MFNG: variants seen among roughly 807,000 people sequenced by gnomAD.
MFNG encodes the protein beta-1,3-N-acetylglucosaminyltransferase manic fringe.
A neutral mutation model predicts 34.2 loss-of-function variants in MFNG; 24 were observed. The observed-to-expected ratio is 0.70, with a 90% CI of 0.51 to 0.99. The LOEUF is 0.99. MFNG is among the 50% of genes least tolerant of loss of function. The pLI, the probability that MFNG is intolerant of heterozygous loss-of-function variation, is 0.00. For synonymous variants in MFNG, 158 were observed against 179.2 expected (o/e 0.88, Z 0.94); for missense variants, 383 against 424.0 (o/e 0.90, Z 0.85).
rs375170350 is a variant in MFNG, at chr22:37,477,549, C to A, written c.562-568G>T. ...GCAACCTCCGCCTCCCAGGTTCAAG[C>A]GATTCTCCAGCCTCAGCTTCCCAAA... On this transcript the variant is annotated intron_variant, in intron 4 of 7. Transcript: ENST00000356998. Among the ~76,000 whole-genome samples, 7 of 152,240 alleles carry A rather than the reference C, an allele frequency of 4.6e-5. No individual in the cohort carries two copies. In the South Asian group the frequency reaches 1.5e-3, roughly 32 times the overall value.
chr22:37,471,101 C>T (rs1169668957), intron 7 of MFNG, among the ~76,000 whole-genome samples: 1 of 152,172 alleles, frequency 6.6e-6, no homozygotes, highest in Non-Finnish European at 1.5e-5. Context: ...CACCCTCATC[C>T]CCTACACACA....
At chr22:37,480,627 ATTTCCTG>A in intron 2 of MFNG, 87 bp downstream of exon 2, 1 of 1,251,404 alleles carries the variant, frequency 8.0e-7, no homozygotes, top group Non-Finnish European at 1.2e-6. Flanking sequence ...TGGGCGGCCC[ATTTCCTG>A]GGAACCCTCA....
chr22:37,469,638 C>T lies in MFNG; in HGVS notation c.*325G>A. The T allele has an allele frequency of 2.4e-6, 1 of 421,200 alleles. No individual in the cohort carries two copies. Among genetic ancestry groups the T allele is most frequent in the South Asian group, 2.0e-5 (1 of 49,180 alleles). The allele number at this position is 421,200 out of a possible 1,614,324, so 26.1% of individuals were successfully genotyped here. A position where few individuals can be genotyped will look rare whatever the true frequency, so the allele number is the denominator to read the frequency against. On this transcript the variant is annotated 3_prime_UTR_variant, in exon 8 of 8. Transcript: ENST00000356998. ...ACCCCACCCAGAGGCCATGTCACTGCCTAAAGGGTTAGGACCCCTGAGCCC... is the reference window on the plus strand; with the variant it reads ...ACCCCACCCAGAGGCCATGTCACTGTCTAAAGGGTTAGGACCCCTGAGCCC...
intron 3 of MFNG, 93 bp downstream of exon 3, chr22:37,480,104 G>A (rs1922223949): frequency 3.1e-6 from 3 of 954,758 alleles, no homozygotes; most frequent in Non-Finnish European, 4.8e-6. Flanking sequence ...GCCTGCTAGA[G>A]GAGTGGGGGC....
Position 37,483,371 on chromosome 22 carries a change from T to C in MFNG, c.255+2552A>G, listed in dbSNP as rs530798478. On this transcript the variant is annotated intron_variant, in intron 1 of 7. Coordinates refer to ENST00000356998, the MANE Select transcript of MFNG (RefSeq NM_002405.4). The surrounding 1 kb of genome is among the most constrained non-coding windows in gnomAD (Gnocchi z 4.5). ...TTTTCAACACAGCCTCAAGGGATCCTATCAAAGAAACCAGGCCTTTCCTAC... is the reference window on the plus strand; with the variant it reads ...TTTTCAACACAGCCTCAAGGGATCCCATCAAAGAAACCAGGCCTTTCCTAC... 6.6e-6 allele frequency among the ~76,000 whole-genome samples: 1 copy of C among 152,138 alleles called. No homozygotes were observed. The highest frequency in any genetic ancestry group is 2.4e-5 in the African/African-American group (1 of 41,502).
At position 37,469,186 on chromosome 22, in the gene MFNG, C is replaced by G. The variant is rs954931294; in HGVS notation, c.*777G>C. On this transcript the variant is annotated 3_prime_UTR_variant, in exon 8 of 8. Coordinates refer to ENST00000356998, the MANE Select transcript of MFNG (RefSeq NM_002405.4). ...GTGGCTGCCCCAGATCCAGCCATCA[C>G]ACCCACATTTATAGCAGGAAGATGG... is the stretch of plus-strand genomic sequence containing the variant. The G allele has an allele frequency of 2.0e-5, 3 of 153,264 alleles. No homozygotes were observed. Among genetic ancestry groups the G allele is most frequent in the African/African-American group, 7.2e-5 (3 of 41,434 alleles). The allele number at this position is 153,264 out of a possible 1,614,324, so 9.5% of individuals were successfully genotyped here. A position where few individuals can be genotyped will look rare whatever the true frequency, so the allele number is the denominator to read the frequency against.
In MFNG at chr22:37,476,955, A is replaced by G. The variant is rs770466294; in HGVS notation, c.588T>C (p.Thr196=). The G allele has an allele frequency of 3.7e-6, 6 of 1,612,104 alleles. No individual in the cohort carries two copies. The South Asian group carries it at 5.5e-5, about 15-fold the overall frequency. Reference sequence around the variant, plus strand: ...GATTGATGCAGAAGCCAGCACCCCCAGTGGCAAACCAGAACTGTACCAGCC... The same window carrying G: ...GATTGATGCAGAAGCCAGCACCCCCGGTGGCAAACCAGAACTGTACCAGCC... ...RTRLVQFWFA[T]GGAGFCINRK... is the part of the protein sequence containing the mutation. The change falls in exon 5 of 8, where the codon ACT becomes ACC. Residue 196 remains threonine (T), a synonymous_variant. Coordinates refer to ENST00000356998, the MANE Select transcript of MFNG (RefSeq NM_002405.4).
Position 37,480,702 on chromosome 22 carries a change from C to A in MFNG, c.304+19G>T. On this transcript the variant is annotated intron_variant, in intron 2 of 7. Coordinates refer to ENST00000356998, the MANE Select transcript of MFNG (RefSeq NM_002405.4). ...CAACAGCTAAAGTCCCCCACCACAC[C>A]CAGGCCGGGCAGAGTTACCCAGTCT... 1 of 1,612,576 alleles carries A rather than the reference C, an allele frequency of 6.2e-7. No homozygotes were observed. Among genetic ancestry groups the A allele is most frequent in the Non-Finnish European group, 8.5e-7 (1 of 1,179,048 alleles).
In MFNG at chr22:37,483,962, CTTGT is replaced by C. The variant is rs911490645; in HGVS notation, c.255+1957_255+1960del. Reference sequence around the variant, plus strand: ...CTTTGGAGCCAAGGGCTGCATTTGACTTGTTTAAGGAGGGGACCTGACAATGGTG... The same window carrying C: ...CTTTGGAGCCAAGGGCTGCATTTGACTTAAGGAGGGGACCTGACAATGGTG... On this transcript the variant is annotated intron_variant, in intron 1 of 7. Coordinates refer to ENST00000356998, the MANE Select transcript of MFNG (RefSeq NM_002405.4). This position sits in a 1 kb window ranked among gnomAD's most constrained non-coding sequence, Gnocchi z 4.5. Among the ~76,000 whole-genome samples, 2 of 152,168 alleles carry C rather than the reference CTTGT, an allele frequency of 1.3e-5. No homozygotes were observed. The highest frequency in any genetic ancestry group is 4.8e-5 in the African/African-American group (2 of 41,426).
At chr22:37,473,583 C>T (rs1205747898) in intron 6 of MFNG, among the ~76,000 whole-genome samples, 1 of 152,174 alleles carries the variant, frequency 6.6e-6, no homozygotes, top group Non-Finnish European at 1.5e-5. Flanking sequence ...CAACCTCACA[C>T]CCCAGTTCCA....
Position 37,472,442 on chromosome 22 carries a change from C to G in MFNG, c.899+1G>C, listed in dbSNP as rs753659856. 4.4e-6 allele frequency: 7 copies of G among 1,579,518 alleles called. No homozygotes were observed. In the African/African-American group the frequency reaches 9.7e-5, roughly 22 times the overall value. On this transcript the variant is annotated splice_donor_variant, in intron 7 of 7. Transcript: ENST00000356998. LOFTEE classifies it high-confidence loss of function. ...TCCAAGGTTCCAGCCCCCAGACCCA[C>G]CTGGAGGGGTCCTCCTCCGGGGAGA...
chr22:37,474,475 C>A, intron 6 of MFNG, 37 bp downstream of exon 6: 1 of 1,609,112 alleles, frequency 6.2e-7, no homozygotes, highest in South Asian at 1.1e-5. Context: ...CTTTGGTTCC[C>A]CTTCCCATTT....
chr22:37,474,782 G>A, intron 5 of MFNG, 105 bp from the exon 6 acceptor site: 1 of 1,250,240 alleles, frequency 8.0e-7, no homozygotes, highest in Non-Finnish European at 1.1e-6. Flanking sequence ...GCAGAACAGA[G>A]CACCTGCCTC....
rs749406574 is a variant in MFNG at position 37,472,444 on chromosome 22, T to TGGAGGGGTCCTCCTCCGGGGA, written c.877_897dup (p.Ser293_Ser299dup). ...CAAGGTTCCAGCCCCCAGACCCACC[T>TGGAGGGGTCCTCCTCCGGGGA]GGAGGGGTCCTCCTCCGGGGAGAAG... On this transcript the variant is annotated inframe_insertion and splice_region_variant, in exon 7 of 8. Coordinates refer to ENST00000356998, the MANE Select transcript of MFNG (RefSeq NM_002405.4). The TGGAGGGGTCCTCCTCCGGGGA allele has an allele frequency of 6.3e-7, 1 of 1,579,684 alleles. No homozygotes were observed. The highest frequency in any genetic ancestry group is 1.2e-5 in the South Asian group (1 of 86,908).
chr22:37,474,769 C>G, intron 5 of MFNG, 92 bp from the exon 6 acceptor site: 1 of 1,408,822 alleles, frequency 7.1e-7, no homozygotes, highest in Non-Finnish European at 9.6e-7. Flanking sequence ...CTGGGACAAG[C>G]TGGCAGAACA....
rs1298279234 is a variant in MFNG at position 37,471,638 on chromosome 22, C to G, written c.899+805G>C. ...TTGAGGTCAGGAGTTCGAAACCAGC[C>G]TGGCCAACATGGTGAAACCCCGCCT... On this transcript the variant is annotated intron_variant, in intron 7 of 7. Transcript: ENST00000356998. Among the ~76,000 whole-genome samples, 3 of 152,170 alleles carry G rather than the reference C, an allele frequency of 2.0e-5. No homozygotes were observed. The East Asian group carries it at 5.8e-4, about 29-fold the overall frequency.
At position 37,482,227 on chromosome 22, in the gene MFNG, T is replaced by C. The variant is rs1487006870; in HGVS notation, c.256-1458A>G. On this transcript the variant is annotated intron_variant, in intron 1 of 7. Coordinates refer to ENST00000356998, the MANE Select transcript of MFNG (RefSeq NM_002405.4). The surrounding 1 kb of genome is among the most constrained non-coding windows in gnomAD (Gnocchi z 4.1). ...CTCTGCCTCATTCCCTCAGATATGT[T>C]TCCCTGCCAGGACCAGAATCGAGTA... Among the ~76,000 whole-genome samples, 9 of 152,122 alleles carry C rather than the reference T, an allele frequency of 5.9e-5. No individual in the cohort carries two copies. The East Asian group carries it at 1.5e-3, about 26-fold the overall frequency.
chr22:37,479,519 C>G lies in MFNG; in HGVS notation c.408-21G>C, dbSNP rs761680806. On this transcript the variant is annotated intron_variant, in intron 3 of 7. Coordinates refer to ENST00000356998, the MANE Select transcript of MFNG (RefSeq NM_002405.4). ...ACCACCTGTAGGGATGAAACGGGGA[C>G]AGTGAACTTGTTGGGGGGGTTCCAA... The G allele has an allele frequency of 9.3e-6, 15 of 1,607,778 alleles. No individual in the cohort carries two copies. In the East Asian group the frequency reaches 2.9e-4, roughly 31 times the overall value.
At chr22:37,475,602 G>T (rs114923581) in intron 5 of MFNG, among the ~76,000 whole-genome samples, 130 of 152,194 alleles carry the variant, frequency 8.5e-4, no homozygotes, top group African/African-American at 2.3e-3. Context: ...AACTGGCCGC[G>T]TATACCCCAT....
Sources: allele counts gnomAD v4.1 joint callset (sites outside exome capture counted in the v4.1 genomes callset), GRCh38; gene constraint gnomAD v4.1.1; non-coding constraint Gnocchi (gnomAD v3.1); transcripts MANE v1.5; gene names NCBI Gene and HGNC (gene_info 2026-07-23, HGNC 2026-07-21).